PKIA: variants seen among roughly 807,000 people sequenced by gnomAD.
PKIA encodes the protein PKI-alpha.
Under a neutral mutation model 7.6 loss-of-function variants are expected in PKIA, and 4 were observed. The observed-to-expected ratio is 0.52, with a 90% CI of 0.26 to 1.20. The LOEUF is 1.20. Among genes scored for constraint, PKIA ranks in the 50% most tolerant of loss-of-function variants. PKIA has a pLI of 0.13. For synonymous variants in PKIA, 21 were observed against 30.7 expected, an observed-to-expected ratio of 0.68 and a Z score of 1.04; for missense variants, 73 against 86.2, an observed-to-expected ratio of 0.85 and a Z score of 0.61.
chr8:78,549,058 A>C (rs1289653340), intron 1 of PKIA, among the ~76,000 whole-genome samples: 1 of 152,008 alleles, frequency 6.6e-6, no homozygotes, highest in Non-Finnish European at 1.5e-5. Context: ...TAACACACTA[A>C]CTCTGTCACT....
chr8:78,577,241 G>T (rs187277396), intron 2 of PKIA, among the ~76,000 whole-genome samples: 2 of 151,934 alleles, frequency 1.3e-5, no homozygotes, highest in Non-Finnish European at 2.9e-5. Flanking sequence ...ATCTCCTAAT[G>T]CTATCACTCC....
chr8:78,565,392 A>G (rs1228890444), intron 1 of PKIA, among the ~76,000 whole-genome samples: 1 of 152,014 alleles, frequency 6.6e-6, no homozygotes, highest in Non-Finnish European at 1.5e-5. Flanking sequence ...TGATATGAAC[A>G]CATCCACTAT....
At chr8:78,592,102 C>T (rs1808112230) in intron 2 of PKIA, among the ~76,000 whole-genome samples, 1 of 151,766 alleles carries the variant, frequency 6.6e-6, no homozygotes, top group Non-Finnish European at 1.5e-5. Context: ...AATTAGAAGA[C>T]CTGTGTCTAA....
intron 2 of PKIA, among the ~76,000 whole-genome samples, chr8:78,584,273 T>C (rs1249520256): frequency 6.6e-6 from 1 of 152,066 alleles, no homozygotes; most frequent in Non-Finnish European, 1.5e-5. Context: ...TTAGATTTGA[T>C]AGTGGGGCCA....
intron 1 of PKIA, among the ~76,000 whole-genome samples, chr8:78,565,870 C>CA (rs1807400248): frequency 1.3e-5 from 2 of 151,970 alleles, no homozygotes; most frequent in African/African-American, 4.8e-5. Flanking sequence ...CATAGGGTAA[C>CA]ACCTGTTATC....
intron 1 of PKIA, among the ~76,000 whole-genome samples, chr8:78,528,084 A>G (rs1014390089): frequency 1.3e-5 from 2 of 152,112 alleles, no homozygotes; most frequent in Non-Finnish European, 2.9e-5. Flanking sequence ...ACTTACTGCT[A>G]ATAACATGCC....
chr8:78,585,992 T>C (rs1291582328), intron 2 of PKIA, among the ~76,000 whole-genome samples: 1 of 152,152 alleles, frequency 6.6e-6, no homozygotes, highest in African/African-American at 2.4e-5. Flanking sequence ...AATTCTAAAA[T>C]TGTCAACCTA....
intron 2 of PKIA, among the ~76,000 whole-genome samples, chr8:78,584,910 T>C (rs566192215): frequency 6.6e-6 from 1 of 152,176 alleles, no homozygotes; most frequent in African/African-American, 2.4e-5. Context: ...ATGTTTACCA[T>C]TTTAAATAGT....
Position 78,544,988 on chromosome 8 carries a change from TAAAG to T in PKIA, c.-156-27820_-156-27817del, listed in dbSNP as rs1390575679. 2.0e-5 allele frequency among the ~76,000 whole-genome samples: 3 copies of T among 152,272 alleles called. No homozygotes were observed. The South Asian group carries it at 6.2e-4, about 32-fold the overall frequency. ...TTATATGTCATATATTCTTTATTAT[TAAAG>T]AATCTCCCAAACGGTAATATATGGA... On this transcript the variant is annotated intron_variant, in intron 1 of 3. Coordinates refer to ENST00000396418, the MANE Select transcript of PKIA (RefSeq NM_006823.4).
intron 1 of PKIA, among the ~76,000 whole-genome samples, chr8:78,518,977 G>T (rs1809365151): frequency 6.6e-6 from 1 of 152,182 alleles, no homozygotes; most frequent in Non-Finnish European, 1.5e-5. Flanking sequence ...GTCTGAAACT[G>T]ATTTATGACT....
intron 2 of PKIA, among the ~76,000 whole-genome samples, chr8:78,588,730 T>C (rs558936427): frequency 2.5e-4 from 38 of 151,952 alleles, no homozygotes; most frequent in Non-Finnish European, 4.1e-4. Flanking sequence ...TGTGTAAAAT[T>C]ACAAGGGGAA....
intron 1 of PKIA, among the ~76,000 whole-genome samples, chr8:78,537,246 G>A (rs1806551433): frequency 6.6e-6 from 1 of 150,882 alleles, no homozygotes; most frequent in South Asian, 2.1e-4. Flanking sequence ...TTTTTCCTAG[G>A]TAGAAAATTA....
chr8:78,553,319 C>T (rs1002909978), intron 1 of PKIA, among the ~76,000 whole-genome samples: 6 of 151,926 alleles, frequency 3.9e-5, no homozygotes, highest in Admixed American at 1.3e-4. Context: ...CAGAGAATCC[C>T]GGCTTGGATC....
intron 2 of PKIA, among the ~76,000 whole-genome samples, chr8:78,583,817 A>G (rs1056550391): frequency 6.6e-6 from 1 of 152,040 alleles, no homozygotes; most frequent in African/African-American, 2.4e-5. Context: ...CGGAACGGTA[A>G]GTTTGTGGGA....
intron 1 of PKIA, among the ~76,000 whole-genome samples, chr8:78,566,055 G>C (rs529104231): frequency 4.1e-4 from 63 of 152,086 alleles, no homozygotes; most frequent in African/African-American, 1.4e-3. Flanking sequence ...TGAGAAAACT[G>C]TCCATGGAAA....
At chr8:78,552,759 A>G (rs1807015852) in intron 1 of PKIA, among the ~76,000 whole-genome samples, 1 of 152,010 alleles carries the variant, frequency 6.6e-6, no homozygotes, top group African/African-American at 2.4e-5. Flanking sequence ...TTATAGCTAG[A>G]CCTAAGTGTC....
chr8:78,549,333 T>G (rs890875996), intron 1 of PKIA, among the ~76,000 whole-genome samples: 1 of 151,872 alleles, frequency 6.6e-6, no homozygotes, highest in Non-Finnish European at 1.5e-5. Context: ...GTAGCAGATA[T>G]GCACACTAAA....
At chr8:78,528,278 G>A (rs1034758562) in intron 1 of PKIA, among the ~76,000 whole-genome samples, 3 of 152,018 alleles carry the variant, frequency 2.0e-5, no homozygotes, top group African/African-American at 7.2e-5. Flanking sequence ...TTAAAAAACA[G>A]CCATTTGTTG....
At chr8:78,530,082 T>G (rs1195450330) in intron 1 of PKIA, among the ~76,000 whole-genome samples, 2 of 152,022 alleles carry the variant, frequency 1.3e-5, no homozygotes, top group African/African-American at 2.4e-5. Context: ...AAGTTTTCCC[T>G]CATCCTAAAA....
Sources: allele counts gnomAD v4.1 joint callset (sites outside exome capture counted in the v4.1 genomes callset), GRCh38; gene constraint gnomAD v4.1.1; transcripts MANE v1.5; gene names NCBI Gene and HGNC (gene_info 2026-07-23, HGNC 2026-07-21).